The following PITPNC1 variants were observed in gnomAD, a reference collection of about 807,000 sequenced individuals.
PITPNC1 encodes cytoplasmic phosphatidylinositol transfer protein 1.
PITPNC1 carries 18 observed loss-of-function variants against 44.7 expected under a neutral mutation model. The observed-to-expected ratio is 0.40, with a 90% confidence interval of 0.28 to 0.60. The LOEUF (loss-of-function observed/expected upper bound fraction) is 0.60. PITPNC1 is among the 20% of genes least tolerant of loss of function. The pLI, the probability that PITPNC1 is intolerant of heterozygous loss-of-function variation, is 0.39. For synonymous variants in PITPNC1, 141 were observed against 149.6 expected (o/e 0.94, Z 0.42); for missense variants, 290 against 418.4 (o/e 0.69, Z 2.68).
chr17:67,563,287 G>A (rs1320998139), intron 4 of PITPNC1, among the ~76,000 whole-genome samples: 9 of 152,194 alleles, frequency 5.9e-5, no homozygotes, highest in South Asian at 4.1e-4. Flanking sequence ...ATAGAGTTTC[G>A]TGCTTGTGGA....
At chr17:67,572,469 G>A (rs1466388327) in intron 4 of PITPNC1, among the ~76,000 whole-genome samples, 14 of 18,192 alleles carry the variant, frequency 7.7e-4, no homozygotes, top group South Asian at 4.1e-3. Flanking sequence ...TGGGTAAAGC[G>A]GGGGGGGGGG....
At chr17:67,692,507 T>C in intron 8 of PITPNC1, 65 bp from the exon 9 acceptor site, 1 of 1,119,034 alleles carries the variant, frequency 8.9e-7, no homozygotes, top group Non-Finnish European at 1.3e-6. Context: ...ACAAGGGTAG[T>C]GATGAATCTA....
At chr17:67,666,485 G>A (rs914299707) in intron 6 of PITPNC1, among the ~76,000 whole-genome samples, 10 of 152,170 alleles carry the variant, frequency 6.6e-5, no homozygotes, top group Non-Finnish European at 2.9e-5. Context: ...AGGCTGGTCC[G>A]GAAAAGATGC....
chr17:67,697,190 T>C lies in PITPNC1; in HGVS notation c.*4302T>C, dbSNP rs971825836. 9 of 151,818 alleles carry C rather than the reference T, an allele frequency of 5.9e-5. No homozygotes were observed. Among genetic ancestry groups the C allele is most frequent in the Middle Eastern group, 3.2e-3 (1 of 316 alleles). The allele number at this position is 151,818 out of a possible 1,614,324, so 9.4% of individuals were successfully genotyped here. A position where few individuals can be genotyped will look rare whatever the true frequency, so the allele number is the denominator to read the frequency against. ...GCTGTTCTGTGTTTTTCTTCCTAGT[T>C]ATTTATTATTGTTAATAACTTACTT... is the stretch of plus-strand genomic sequence containing the variant. On this transcript the variant is annotated 3_prime_UTR_variant, in exon 9 of 9. Coordinates refer to ENST00000581322, the MANE Select transcript of PITPNC1 (RefSeq NM_012417.4).
intron 1 of PITPNC1, among the ~76,000 whole-genome samples, chr17:67,385,501 G>A (rs1474120862): frequency 1.4e-5 from 2 of 143,888 alleles, no homozygotes; most frequent in East Asian, 2.0e-4. Context: ...CCTCCCCCCA[G>A]GCACCTTCCA....
chr17:67,403,520 G>C (rs762831548), intron 1 of PITPNC1, among the ~76,000 whole-genome samples: 6 of 152,172 alleles, frequency 3.9e-5, no homozygotes, highest in Non-Finnish European at 5.9e-5. Flanking sequence ...TATTTACCAA[G>C]GCTTTGCTTT....
At chr17:67,414,587 GC>G (rs1299907528) in intron 1 of PITPNC1, among the ~76,000 whole-genome samples, 1 of 152,118 alleles carries the variant, frequency 6.6e-6, no homozygotes, top group Non-Finnish European at 1.5e-5. Flanking sequence ...TGGAACACGG[GC>G]ACACTCAAGG....
At chr17:67,525,891 G>A (rs1333866764) in intron 1 of PITPNC1, among the ~76,000 whole-genome samples, 1 of 152,212 alleles carries the variant, frequency 6.6e-6, no homozygotes, top group Non-Finnish European at 1.5e-5. Context: ...TTCACAGCTG[G>A]GTAAATATGT....
intron 3 of PITPNC1, 46 bp from the exon 4 acceptor site, chr17:67,553,564 T>G: frequency 1.0e-6 from 1 of 965,020 alleles, no homozygotes; most frequent in South Asian, 1.8e-5. Flanking sequence ...TCATCTTTTG[T>G]CTCTTTTTTC....
intron 5 of PITPNC1, among the ~76,000 whole-genome samples, chr17:67,619,579 G>A (rs1370263067): frequency 6.6e-6 from 1 of 152,126 alleles, no homozygotes; most frequent in East Asian, 1.9e-4. Context: ...CAGCGTCCTC[G>A]CTTACTGCCG....
intron 1 of PITPNC1, among the ~76,000 whole-genome samples, chr17:67,484,368 T>G (rs2039747986): frequency 6.6e-6 from 1 of 152,196 alleles, no homozygotes; most frequent in South Asian, 2.1e-4. Flanking sequence ...TTTTTCCATA[T>G]TAAAATCATA....
intron 6 of PITPNC1, chr17:67,638,898 G>T (rs1446462827): frequency 6.6e-6 from 1 of 151,852 alleles, no homozygotes; most frequent in African/African-American, 2.4e-5. Flanking sequence ...ATCACTTGAG[G>T]CCAGGATTTC....
At chr17:67,406,011 C>T (rs1052847335) in intron 1 of PITPNC1, among the ~76,000 whole-genome samples, 4 of 152,132 alleles carry the variant, frequency 2.6e-5, no homozygotes, top group Admixed American at 2.0e-4. Flanking sequence ...TTCCTAGTAA[C>T]TTTTCAAAGA....
At chr17:67,570,830 G>T (rs551761057) in intron 4 of PITPNC1, among the ~76,000 whole-genome samples, 14 of 151,398 alleles carry the variant, frequency 9.2e-5, no homozygotes, top group African/African-American at 3.2e-4. Context: ...TGTGGGTTAG[G>T]TGCCTGCTGC....
At chr17:67,409,086 T>TTTTTTTTTTTA (rs2038450828) in intron 1 of PITPNC1, among the ~76,000 whole-genome samples, 1 of 139,360 alleles carries the variant, frequency 7.2e-6, no homozygotes, top group Admixed American at 7.2e-5. Flanking sequence ...TTTTTTTTTT[T>TTTTTTTTTTTA]TTTTTTTTTG....
At chr17:67,632,593 T>G (rs2041985607) in intron 6 of PITPNC1, among the ~76,000 whole-genome samples, 1 of 150,096 alleles carries the variant, frequency 6.7e-6, no homozygotes, top group African/African-American at 2.5e-5. Context: ...TTTCTTTTTT[T>G]TTTTTGAGAT....
At position 67,494,185 on chromosome 17, in the gene PITPNC1, T is replaced by TTTTCTTTCTTTC. The variant is rs1555657747; in HGVS notation, c.49-38597_49-38586dup. On this transcript the variant is annotated intron_variant, in intron 1 of 8. Coordinates refer to ENST00000581322, the MANE Select transcript of PITPNC1 (RefSeq NM_012417.4). ...CCTCTTTCTTTCTTTCTTTCTTTCT[T>TTTTCTTTCTTTC]TTTCTTTCTTTCTTTCTTTCTTTCT... 2.9e-3 allele frequency among the ~76,000 whole-genome samples: 301 copies of TTTTCTTTCTTTC among 102,490 alleles called. 21 individuals are homozygous for TTTTCTTTCTTTC. The highest frequency in any genetic ancestry group is 0.011 in the African/African-American group (289 of 26,476). The allele number at this position is 102,490 out of a possible 152,430, so 67.2% of individuals were successfully genotyped here.
At chr17:67,546,175 TCAAAAACAAAAACAAAAA>T (rs72432781) in intron 2 of PITPNC1, among the ~76,000 whole-genome samples, 29 of 148,538 alleles carry the variant, frequency 2.0e-4, no homozygotes, top group African/African-American at 5.2e-4. Flanking sequence ...AGACTCCATC[TCAAAAACAAAAACAAAAA>T]CAAAAACAAA....
intron 5 of PITPNC1, among the ~76,000 whole-genome samples, chr17:67,624,506 TTTTC>T (rs947305984): frequency 1.3e-5 from 2 of 152,032 alleles, no homozygotes; most frequent in Non-Finnish European, 2.9e-5. Flanking sequence ...GCCAAGATTC[TTTTC>T]TTTCTTTCTG....
Sources: allele counts gnomAD v4.1 joint callset (sites outside exome capture counted in the v4.1 genomes callset), GRCh38; gene constraint gnomAD v4.1.1; transcripts MANE v1.5; gene names NCBI Gene and HGNC (gene_info 2026-07-23, HGNC 2026-07-21).